The following ASIC2 variants were observed in gnomAD, a reference collection of about 807,000 sequenced individuals.
ASIC2 encodes the protein acid-sensing ion channel 2.
In ASIC2, 25 loss-of-function variants were observed where a neutral mutation model predicts 57.3. The ratio of observed to expected loss-of-function variants is 0.44; its 90% CI spans 0.32 to 0.61. The LOEUF (loss-of-function observed/expected upper bound fraction) is 0.61, where lower values mean the gene tolerates loss of function less well. Among genes scored for constraint, ASIC2 ranks in the 20% least tolerant of loss-of-function variants. ASIC2 has a pLI of 0.06. For synonymous variants in ASIC2, 319 were observed against 307.5 expected, an observed-to-expected ratio of 1.04 and a Z score of -0.39; for missense variants, 641 against 738.1, an observed-to-expected ratio of 0.87 and a Z score of 1.52.
intron 1 of ASIC2, among the ~76,000 whole-genome samples, chr17:33,484,385 G>T (rs1044178415): frequency 6.6e-6 from 1 of 152,160 alleles, no homozygotes; most frequent in African/African-American, 2.4e-5. Context: ...TATCCCCATT[G>T]AAATGCATTT....
At chr17:33,136,552 C>G (rs1417205795) in intron 1 of ASIC2, among the ~76,000 whole-genome samples, 2 of 152,154 alleles carry the variant, frequency 1.3e-5, no homozygotes, top group Non-Finnish European at 2.9e-5. Flanking sequence ...CTTCTGGAAG[C>G]CCTTGCAAAC....
chr17:33,857,319 A>G (rs1913986132), intron 1 of ASIC2, among the ~76,000 whole-genome samples: 1 of 152,186 alleles, frequency 6.6e-6, no homozygotes, highest in Non-Finnish European at 1.5e-5. Flanking sequence ...GTCACAGAAT[A>G]TAATTTACAG....
intron 1 of ASIC2, among the ~76,000 whole-genome samples, chr17:33,820,473 T>C (rs1413216187): frequency 6.6e-6 from 1 of 152,236 alleles, no homozygotes; most frequent in Non-Finnish European, 1.5e-5. Flanking sequence ...AATACATTAT[T>C]AGCCAGCAAT....
chr17:34,029,152 T>C (rs1387323006), intron 1 of ASIC2, among the ~76,000 whole-genome samples: 1 of 152,182 alleles, frequency 6.6e-6, no homozygotes, highest in Non-Finnish European at 1.5e-5. Flanking sequence ...TCCTTTACTT[T>C]ATTTGTTTTC....
intron 1 of ASIC2, among the ~76,000 whole-genome samples, chr17:34,136,821 C>T (rs2142133169): frequency 6.6e-6 from 1 of 152,330 alleles, no homozygotes; most frequent in Non-Finnish European, 1.5e-5. Flanking sequence ...TTTTCATCAG[C>T]ACAGACAATA....
intron 1 of ASIC2, among the ~76,000 whole-genome samples, chr17:33,998,106 G>C (rs899317925): frequency 6.6e-6 from 1 of 151,994 alleles, no homozygotes; most frequent in Non-Finnish European, 1.5e-5. Context: ...TTGCCTCATG[G>C]TTCAGTTTTG....
At chr17:33,899,972 T>G (rs895609473) in intron 1 of ASIC2, among the ~76,000 whole-genome samples, 1 of 152,210 alleles carries the variant, frequency 6.6e-6, no homozygotes, top group Non-Finnish European at 1.5e-5. Context: ...GTACAATATC[T>G]TATGGGAAGT....
At chr17:33,682,182 C>A (rs1273883388) in intron 1 of ASIC2, among the ~76,000 whole-genome samples, 3 of 151,922 alleles carry the variant, frequency 2.0e-5, no homozygotes, top group African/African-American at 4.8e-5. Flanking sequence ...GCCTCAGCCT[C>A]CTGAATAGCT....
chr17:33,298,564 G>C (rs1402746389), intron 1 of ASIC2, among the ~76,000 whole-genome samples: 1 of 152,176 alleles, frequency 6.6e-6, no homozygotes, highest in Non-Finnish European at 1.5e-5. Flanking sequence ...ACATACGTGT[G>C]CATGTGTCTT....
chr17:33,403,835 C>T (rs1214923936), intron 1 of ASIC2, among the ~76,000 whole-genome samples: 1 of 152,210 alleles, frequency 6.6e-6, no homozygotes, highest in African/African-American at 2.4e-5. Flanking sequence ...AGAAGCCAAG[C>T]TCCAGAGAGA....
chr17:34,154,545 A>G (rs1296940819), intron 1 of ASIC2, among the ~76,000 whole-genome samples: 3 of 152,180 alleles, frequency 2.0e-5, no homozygotes, highest in Non-Finnish European at 4.4e-5. Flanking sequence ...GGGCTTTTTC[A>G]GAATCAGAGA....
intron 1 of ASIC2, among the ~76,000 whole-genome samples, chr17:33,747,157 A>G (rs1910292353): frequency 6.6e-6 from 1 of 151,254 alleles, no homozygotes; most frequent in Non-Finnish European, 1.5e-5. Flanking sequence ...ATAAAGTTCT[A>G]CTATGATGAA....
intron 1 of ASIC2, among the ~76,000 whole-genome samples, chr17:33,585,197 G>T (rs191687905): frequency 5.3e-5 from 8 of 152,304 alleles, no homozygotes; most frequent in Admixed American, 5.2e-4. Flanking sequence ...CTCCAGTCCA[G>T]GTTAATGGGC....
intron 1 of ASIC2, among the ~76,000 whole-genome samples, chr17:33,445,819 G>C (rs972847698): frequency 2.2e-5 from 3 of 138,598 alleles, no homozygotes; most frequent in Non-Finnish European, 3.2e-5. Context: ...AAAAAAAATG[G>C]GGATCAGATG....
Position 33,671,851 on chromosome 17 carries a change from C to T in ASIC2, c.555+484127G>A, listed in dbSNP as rs140628324. On this transcript the variant is annotated intron_variant, in intron 1 of 9. Transcript: ENST00000359872. ...CTATCTTTTTATTCTCATTCTTTAACGCTAATGAAACAGAAGTCAGGCTTG... is the reference window on the plus strand; with the variant it reads ...CTATCTTTTTATTCTCATTCTTTAATGCTAATGAAACAGAAGTCAGGCTTG... 6.4e-3 allele frequency among the ~76,000 whole-genome samples: 979 copies of T among 152,236 alleles called. 6 individuals carry two copies. Among genetic ancestry groups the T allele is most frequent in the African/African-American group, 0.022 (925 of 41,536 alleles).
rs570254765 is a variant in ASIC2, at chr17:33,773,655, T to G, written c.555+382323A>C. Among the ~76,000 whole-genome samples the G allele has an allele frequency of 6.3e-3, 616 of 97,374 alleles. 6 individuals carry two copies. Among genetic ancestry groups the G allele is most frequent in the African/African-American group, 0.018 (578 of 32,560 alleles). The allele number at this position is 97,374 out of a possible 152,430, so 63.9% of individuals were successfully genotyped here. ...TTCCTCTTCCACAGTTTAGTCTCTC[T>G]GTTTTTTTTTTTTTTTTGAGACAGA... is the stretch of plus-strand genomic sequence containing the variant. On this transcript the variant is annotated intron_variant, in intron 1 of 9. Transcript: ENST00000359872.
intron 1 of ASIC2, among the ~76,000 whole-genome samples, chr17:33,760,300 T>C (rs1368999180): frequency 6.6e-6 from 1 of 152,066 alleles, no homozygotes; most frequent in East Asian, 1.9e-4. Flanking sequence ...ATAGTATTTA[T>C]AAATAATGTA....
At chr17:33,614,301 C>T (rs1242715587) in intron 1 of ASIC2, among the ~76,000 whole-genome samples, 3 of 152,170 alleles carry the variant, frequency 2.0e-5, no homozygotes, top group Non-Finnish European at 2.9e-5. Context: ...CACCTTCAGA[C>T]GGAGCTGTAC....
At chr17:33,986,205 T>C (rs1428000654) in intron 1 of ASIC2, among the ~76,000 whole-genome samples, 2 of 151,986 alleles carry the variant, frequency 1.3e-5, no homozygotes, top group Admixed American at 1.3e-4. Flanking sequence ...AACAGGAATC[T>C]GGTTTTTTTT....
Sources: allele counts gnomAD v4.1 joint callset (sites outside exome capture counted in the v4.1 genomes callset), GRCh38; gene constraint gnomAD v4.1.1; transcripts MANE v1.5; gene names NCBI Gene and HGNC (gene_info 2026-07-23, HGNC 2026-07-21).